USP40: variants seen among roughly 807,000 people sequenced by gnomAD.
USP40 encodes ubiquitin carboxyl-terminal hydrolase 40.
USP40 carries 143 observed loss-of-function variants against 166.2 expected under a neutral mutation model. The ratio of observed to expected loss-of-function variants is 0.86; its 90% CI spans 0.75 to 0.99. The LOEUF is 0.99. USP40 is among the 50% of genes least tolerant of loss of function. The pLI, the probability that USP40 is intolerant of heterozygous loss-of-function variation, is 0.00. For synonymous variants in USP40, 498 were observed against 524.0 expected, an observed-to-expected ratio of 0.95 and a Z score of 0.68; for missense variants, 1,444 against 1,479.7, an observed-to-expected ratio of 0.98 and a Z score of 0.40.
At position 233,555,636 on chromosome 2, in the gene USP40, C is replaced by CTTTTT. The variant is rs1232616788; in HGVS notation, c.547-1115_547-1111dup. The stretch of plus-strand genomic sequence containing the variant: ...TTATTTCCAAACTTAAAAAATCACT[C>CTTTTT]TTTTTTTTTTTTTTTTTTGAGACGG... On this transcript the variant is annotated intron_variant, in intron 5 of 31. Transcript: ENST00000678225. Among the ~76,000 whole-genome samples, 13 of 129,014 alleles carry CTTTTT rather than the reference C, an allele frequency of 1.0e-4. No individual in the cohort carries two copies. The East Asian group carries it at 1.6e-3, about 16-fold the overall frequency. 84.6% of individuals were successfully genotyped at this position (129,014 alleles called of 152,430 possible).
At position 233,549,641 on chromosome 2, in the gene USP40, TC is replaced by T. The variant is rs898695705; in HGVS notation, c.838-413del. Among the ~76,000 whole-genome samples, 32 of 46,280 alleles carry T rather than the reference TC, an allele frequency of 6.9e-4. 1 individual carries two copies. In the Admixed American group the frequency reaches 7.1e-3, roughly 10 times the overall value. The allele number at this position is 46,280 out of a possible 152,430, so 30.4% of individuals were successfully genotyped here. ...AGATGCACTCTTCTTTTAAAATGCA[TC>T]CCCTTTTTTTATTGATATATATCTA... On this transcript the variant is annotated intron_variant, in intron 7 of 31. Transcript: ENST00000678225.
intron 30 of USP40, 98 bp downstream of exon 30, chr2:233,485,433 G>A: frequency 1.1e-5 from 10 of 944,166 alleles, no homozygotes; most frequent in Non-Finnish European, 1.6e-5. Flanking sequence ...GTATAAAATG[G>A]GATAATCTGT....
At chr2:233,565,609 A>T in intron 1 of USP40, 36 bp from the exon 2 acceptor site, 2 of 1,502,034 alleles carry the variant, frequency 1.3e-6, no homozygotes, top group Non-Finnish European at 1.8e-6. Flanking sequence ...TTTTATTTTT[A>T]AAATAAATTT....
Position 233,493,525 on chromosome 2 carries a change from C to T in USP40, c.2817G>A (p.Trp939Ter), listed in dbSNP as rs368566732. 2 of 1,613,186 alleles carry T rather than the reference C, an allele frequency of 1.2e-6. No individual in the cohort carries two copies. Among genetic ancestry groups the T allele is most frequent in the South Asian group, 1.1e-5 (1 of 90,944 alleles). Residue 939 changes from tryptophan to a stop codon, truncating the protein, a stop_gained, in exon 25 of 32, where the codon TGG becomes TGA. Coordinates refer to ENST00000678225, the MANE Select transcript of USP40 (RefSeq NM_001365479.2). LOFTEE classifies it high-confidence loss of function. This position sits in a 1 kb window ranked among gnomAD's most constrained non-coding sequence, Gnocchi z 4.7. ...PLGFLKVPIWWYQLQGPSGHW... is the reference protein window; with the variant it reads ...PLGFLKVPIW ...GTCCTGAGGGACCCTGAAGCTGGTA[C>T]CACCAGATGGGCACCTTCAGGAAAC... is the stretch of plus-strand genomic sequence containing the variant.
At position 233,489,330 on chromosome 2, in the gene USP40, G is replaced by C. The variant is rs367924687; in HGVS notation, c.3131+35C>G. 2.6e-6 allele frequency: 4 copies of C among 1,531,768 alleles called. No homozygotes were observed. The Admixed American group carries it at 5.8e-5, about 22-fold the overall frequency. The allele number at this position is 1,531,768 out of a possible 1,614,324, so 94.9% of individuals were successfully genotyped here. A position where few individuals can be genotyped will look rare whatever the true frequency, so the allele number is the denominator to read the frequency against. On this transcript the variant is annotated intron_variant, in intron 27 of 31. Transcript: ENST00000678225. ...CACACCAGCCAGTGCGTCAGCAGCAGAGAGGGACAGTGTTGCGTCCAGCAA... is the reference window on the plus strand; with the variant it reads ...CACACCAGCCAGTGCGTCAGCAGCACAGAGGGACAGTGTTGCGTCCAGCAA...
intron 17 of USP40, 59 bp downstream of exon 17, chr2:233,520,932 T>C (rs2067607769): frequency 1.3e-6 from 2 of 1,557,302 alleles, no homozygotes; most frequent in Non-Finnish European, 1.7e-6. Context: ...TATTGTTTTC[T>C]AAATAAAATT....
chr2:233,511,664 T>C (rs777757256), intron 20 of USP40, 45 bp downstream of exon 20: 1 of 1,502,972 alleles, frequency 6.7e-7, no homozygotes, highest in East Asian at 2.3e-5. Context: ...TAATTCTGGT[T>C]ATGGAAGGGT....
At chr2:233,541,521 C>T (rs2069411040) in intron 9 of USP40, among the ~76,000 whole-genome samples, 1 of 152,188 alleles carries the variant, frequency 6.6e-6, no homozygotes, top group Non-Finnish European at 1.5e-5. Context: ...GGACTTCCAG[C>T]CTTCAAAACT....
In USP40 at chr2:233,498,592, T is replaced by G; in HGVS notation, c.2671A>C (p.Lys891Gln). Residue 891 changes from lysine to glutamine, a missense_variant, in exon 23 of 32, where the codon AAA (lysine) becomes CAA (glutamine). Lys to Gln is a moderately conservative substitution (Grantham distance 53). Transcript: ENST00000678225. ...GLQGDAWHLR[K>Q]MDWCYEAGEP... ...CCAGCTTCATAGCACCAATCCATTT[T>G]TCGTAAATGCCAGGCATCTCCTATA... 6.2e-7 allele frequency: 1 copy of G among 1,613,444 alleles called. No individual in the cohort carries two copies. The highest frequency in any genetic ancestry group is 1.7e-4 in the Middle Eastern group (1 of 6,060).
intron 11 of USP40, among the ~76,000 whole-genome samples, chr2:233,532,781 A>C (rs1266408380): frequency 6.6e-6 from 1 of 152,130 alleles, no homozygotes; most frequent in Non-Finnish European, 1.5e-5. Context: ...GTCTCTAAAA[A>C]AATGAAAAAA....
At chr2:233,526,449 C>T (rs748567637) in intron 13 of USP40, among the ~76,000 whole-genome samples, 1 of 151,972 alleles carries the variant, frequency 6.6e-6, no homozygotes, top group Non-Finnish European at 1.5e-5. Flanking sequence ...AAATATTAGA[C>T]AACTTTAGAA....
chr2:233,504,826 T>C (rs1226764354), intron 21 of USP40, among the ~76,000 whole-genome samples: 2 of 151,978 alleles, frequency 1.3e-5, no homozygotes, highest in East Asian at 3.9e-4. Flanking sequence ...CAAAGAAACA[T>C]TAAACTTAAA....
intron 18 of USP40, among the ~76,000 whole-genome samples, chr2:233,518,333 G>A (rs1163905720): frequency 4.0e-5 from 6 of 148,690 alleles, no homozygotes; most frequent in African/African-American, 1.2e-4. Context: ...TTGGGAGGCC[G>A]AGGTGGGCAG....
intron 10 of USP40, among the ~76,000 whole-genome samples, chr2:233,535,047 A>C (rs2068838582): frequency 6.6e-6 from 1 of 152,168 alleles, no homozygotes; most frequent in South Asian, 2.1e-4. Flanking sequence ...CCTACCTACT[A>C]CCCAGTTTGT....
chr2:233,537,708 A>T (rs571936066), intron 10 of USP40, among the ~76,000 whole-genome samples: 5 of 152,322 alleles, frequency 3.3e-5, no homozygotes, highest in Non-Finnish European at 5.9e-5. Flanking sequence ...ATAATTCTGT[A>T]TCTATCAAAA....
chr2:233,516,642 C>G (rs191357880), intron 18 of USP40, among the ~76,000 whole-genome samples: 2 of 150,774 alleles, frequency 1.3e-5, no homozygotes. Context: ...GGGCCAAGAT[C>G]GCACCACTGC....
chr2:233,488,417 C>A, intron 27 of USP40, 113 bp from the exon 28 acceptor site: 1 of 945,828 alleles, frequency 1.1e-6, no homozygotes, highest in South Asian at 1.7e-5. Context: ...TTTCTGAGTA[C>A]TTATAAGAAC....
At chr2:233,563,252 G>A (rs950789325) in intron 2 of USP40, among the ~76,000 whole-genome samples, 5 of 152,018 alleles carry the variant, frequency 3.3e-5, no homozygotes, top group East Asian at 1.9e-4. Flanking sequence ...TGTCTTTTCC[G>A]TGTTGAAGGT....
rs1310792240 is a variant in USP40 at position 233,493,342 on chromosome 2, T to C, written c.2917+83A>G. On this transcript the variant is annotated intron_variant, in intron 25 of 31. Transcript: ENST00000678225. The surrounding 1 kb of genome is among the most constrained non-coding windows in gnomAD (Gnocchi z 4.7). ...AGATCTTACGTTTTAAAAATAAATATATCAATTGACTCTCAGAGCACAGGC... is the reference window on the plus strand; with the variant it reads ...AGATCTTACGTTTTAAAAATAAATACATCAATTGACTCTCAGAGCACAGGC... The C allele has an allele frequency of 1.3e-6, 2 of 1,573,016 alleles. No individual in the cohort carries two copies. Among genetic ancestry groups the C allele is most frequent in the South Asian group, 1.1e-5 (1 of 88,298 alleles).
Sources: gnomAD v4.1 joint callset for allele counts (sites outside exome capture counted in the v4.1 genomes callset) on GRCh38, gnomAD v4.1.1 for gene constraint, Gnocchi (gnomAD v3.1) non-coding constraint, MANE v1.5 for transcripts, NCBI Gene and HGNC (gene_info 2026-07-23, HGNC 2026-07-21) for gene names.